Variants in IL12RB2 observed in about 807,000 individuals in gnomAD.
The protein encoded by IL12RB2 is interleukin-12 receptor subunit beta-2.
Under a neutral mutation model 89.4 loss-of-function variants are expected in IL12RB2, and 82 were observed. That is an observed-to-expected ratio of 0.92 (90% CI 0.77 to 1.10). The LOEUF (loss-of-function observed/expected upper bound fraction) is 1.10, where lower values mean the gene tolerates loss of function less well. IL12RB2 is among the 50% of genes least tolerant of loss of function. IL12RB2 has a pLI of 0.00. For synonymous variants in IL12RB2, 368 were observed against 370.1 expected (o/e 0.99, Z 0.07); for missense variants, 963 against 1,031.9 (o/e 0.93, Z 0.92).
At chr1:67,382,651 G>A (rs1664726485) in intron 14 of IL12RB2, among the ~76,000 whole-genome samples, 1 of 150,792 alleles carries the variant, frequency 6.6e-6, no homozygotes, top group South Asian at 2.1e-4. Context: ...TTTCTGGTCT[G>A]GTCTTCCTTT....
chr1:67,367,158 C>T (rs772500359), intron 10 of IL12RB2, among the ~76,000 whole-genome samples: 5 of 151,864 alleles, frequency 3.3e-5, no homozygotes, highest in Non-Finnish European at 5.9e-5. Flanking sequence ...TTTGAGAGGC[C>T]GAGGCAGGAG....
chr1:67,345,646 C>G (rs1459875244), intron 9 of IL12RB2, among the ~76,000 whole-genome samples: 2 of 152,154 alleles, frequency 1.3e-5, no homozygotes, highest in African/African-American at 4.8e-5. Flanking sequence ...AATACAAAAG[C>G]AGCAGATGGC....
chr1:67,366,452 C>CAAAAAAAAAAA (rs11329710), intron 10 of IL12RB2, among the ~76,000 whole-genome samples: 3 of 53,402 alleles, frequency 5.6e-5, no homozygotes, highest in East Asian at 4.3e-4. Context: ...GACTCCATCT[C>CAAAAAAAAAAA]AAAAAAAAAA....
At chr1:67,391,219 A>C (rs1245508051) in intron 16 of IL12RB2, among the ~76,000 whole-genome samples, 1 of 152,146 alleles carries the variant, frequency 6.6e-6, no homozygotes, top group Non-Finnish European at 1.5e-5. Context: ...GGATTAAATA[A>C]GATGCCATGT....
intron 9 of IL12RB2, among the ~76,000 whole-genome samples, chr1:67,341,511 AAG>A (rs371588530): frequency 0.72 from 49,295 of 68,240 alleles, 15,698 homozygotes; most frequent in South Asian, 0.78. Context: ...AAGAAGAAAG[AAG>A]GAAAGAAAAA....
intron 10 of IL12RB2, among the ~76,000 whole-genome samples, chr1:67,365,295 G>C (rs1662551184): frequency 6.6e-6 from 1 of 150,904 alleles, no homozygotes; most frequent in South Asian, 2.1e-4. Flanking sequence ...TAATAAGAGA[G>C]GAAATCAATG....
Position 67,395,943 on chromosome 1 carries a change from C to A in IL12RB2, c.2443C>A (p.Leu815Ile). 6.2e-7 allele frequency: 1 copy of A among 1,611,676 alleles called. No individual in the cohort carries two copies. Among genetic ancestry groups the A allele is most frequent in the Non-Finnish European group, 8.5e-7 (1 of 1,177,658 alleles). ...TGACCTCCCCTCACATGAGGCACCT[C>A]TCGCTGACTCTCTGGAAGAACTGGA... is the stretch of plus-strand genomic sequence containing the variant. ...IDDLPSHEAP[L>I]ADSLEELEPQ... is the part of the protein sequence containing the mutation. The change falls in exon 17 of 17, where the codon CTC becomes ATC. Residue 815 changes from leucine to isoleucine, a missense_variant. Coordinates refer to ENST00000674203, the MANE Select transcript of IL12RB2 (RefSeq NM_001374259.2).
At chr1:67,337,681 C>T (rs765660720) in intron 8 of IL12RB2, among the ~76,000 whole-genome samples, 5 of 152,078 alleles carry the variant, frequency 3.3e-5, no homozygotes, top group African/African-American at 7.2e-5. Context: ...ATTCTAAGTG[C>T]TGCGCTGGGT....
intron 9 of IL12RB2, among the ~76,000 whole-genome samples, chr1:67,344,767 C>G (rs1259557584): frequency 1.3e-5 from 2 of 152,200 alleles, no homozygotes; most frequent in African/African-American, 4.8e-5. Context: ...ACCCTCCAGA[C>G]AGTAGCACAT....
intron 11 of IL12RB2, among the ~76,000 whole-genome samples, chr1:67,371,550 T>A (rs1033618872): frequency 6.6e-6 from 1 of 152,200 alleles, no homozygotes; most frequent in African/African-American, 2.4e-5. Flanking sequence ...GTAGGACTTA[T>A]CTCTTTTTCC....
At chr1:67,344,034 G>C (rs888170201) in intron 9 of IL12RB2, among the ~76,000 whole-genome samples, 4 of 152,300 alleles carry the variant, frequency 2.6e-5, no homozygotes, top group Admixed American at 2.0e-4. Flanking sequence ...GGAGCAGGAT[G>C]CTGAGGACAT....
chr1:67,317,630 G>A (rs767385094), intron 2 of IL12RB2, among the ~76,000 whole-genome samples: 27 of 152,168 alleles, frequency 1.8e-4, no homozygotes, highest in Non-Finnish European at 3.5e-4. Context: ...GCCATGTAGG[G>A]TAACCTGTTC....
chr1:67,314,467 G>C (rs1480489944), intron 2 of IL12RB2, among the ~76,000 whole-genome samples: 1 of 152,074 alleles, frequency 6.6e-6, no homozygotes, highest in Non-Finnish European at 1.5e-5. Flanking sequence ...TAACTTTGTC[G>C]AGCTAGGTAT....
intron 10 of IL12RB2, among the ~76,000 whole-genome samples, chr1:67,366,152 A>G (rs1662640275): frequency 6.6e-6 from 1 of 152,194 alleles, no homozygotes; most frequent in Non-Finnish European, 1.5e-5. Flanking sequence ...GCTTAGCTTC[A>G]TAAGAAATCA....
At chr1:67,344,353 C>T (rs752188609) in intron 9 of IL12RB2, among the ~76,000 whole-genome samples, 4 of 152,102 alleles carry the variant, frequency 2.6e-5, no homozygotes, top group South Asian at 2.1e-4. Context: ...AGTGCAGTGG[C>T]GTGATCTTGG....
At chr1:67,355,306 C>G (rs1246612696) in intron 10 of IL12RB2, among the ~76,000 whole-genome samples, 1 of 148,066 alleles carries the variant, frequency 6.8e-6, no homozygotes, top group Admixed American at 6.8e-5. Flanking sequence ...CCCAGCTACT[C>G]GGGAGGCTGA....
At chr1:67,344,099 C>T (rs1659956906) in intron 9 of IL12RB2, among the ~76,000 whole-genome samples, 1 of 151,986 alleles carries the variant, frequency 6.6e-6, no homozygotes, top group East Asian at 1.9e-4. Flanking sequence ...GTTGAGCTCG[C>T]CTAGTGGAGC....
At chr1:67,388,155 G>A (rs77636657) in intron 15 of IL12RB2, among the ~76,000 whole-genome samples, 11,411 of 151,996 alleles carry the variant, frequency 0.075, 841 homozygotes, top group East Asian at 0.21. Context: ...AGCCTAAAAC[G>A]GCAATAAGAA....
chr1:67,326,635 G>A lies in IL12RB2; in HGVS notation c.365-100G>A, dbSNP rs960758246. On this transcript the variant is annotated intron_variant, in intron 4 of 16. Coordinates refer to ENST00000674203, the MANE Select transcript of IL12RB2 (RefSeq NM_001374259.2). Reference sequence around the variant, plus strand: ...TAGCTTCTAGTTTACCTGGGTTTACGGCATGTGGGGGACGTATTGTCATGT... The same window carrying A: ...TAGCTTCTAGTTTACCTGGGTTTACAGCATGTGGGGGACGTATTGTCATGT... 68 of 1,518,618 alleles carry A rather than the reference G, an allele frequency of 4.5e-5. No homozygotes were observed. In the African/African-American group the frequency reaches 5.8e-4, roughly 13 times the overall value. 94.1% of individuals were successfully genotyped at this position (1,518,618 alleles called of 1,614,324 possible). A position where few individuals can be genotyped will look rare whatever the true frequency, so the allele number is the denominator to read the frequency against.
Sources: allele counts gnomAD v4.1 joint callset (sites outside exome capture counted in the v4.1 genomes callset), GRCh38; gene constraint gnomAD v4.1.1; transcripts MANE v1.5; gene names NCBI Gene and HGNC (gene_info 2026-07-23, HGNC 2026-07-21).